The following ZNF530 variants were observed in gnomAD, a reference collection of about 807,000 sequenced individuals.
ZNF530 encodes the protein zinc finger protein 530.
In ZNF530, 5 loss-of-function variants were observed where a neutral mutation model predicts 2.8. The observed-to-expected ratio is 1.80, with a 90% CI of 0.94 to 3.78. ZNF530 has a LOEUF of 3.78. ZNF530 is among the 30% of genes most tolerant of loss of function. The pLI is 0.00. For missense variants in ZNF530, 619 were observed against 673.3 expected (o/e 0.92, Z 0.89); for synonymous variants, 229 against 235.0 (o/e 0.97, Z 0.23).
At chr19:57,611,303 C>CA (rs1299983742), downstream of ZNF530, among the ~76,000 whole-genome samples, 2 of 152,106 alleles carry the variant, frequency 1.3e-5, no homozygotes, top group African/African-American at 2.4e-5. Flanking sequence ...TGAAAGGAAT[C>CA]AAAGTACACT....
chr19:57,603,925 A>G (rs539548254), intron 2 of ZNF530, among the ~76,000 whole-genome samples: 1 of 152,184 alleles, frequency 6.6e-6, no homozygotes, highest in Non-Finnish European at 1.5e-5. Flanking sequence ...AGTGATGCAC[A>G]TATGAAGACG....
Position 57,607,624 on chromosome 19 carries a change from C to A in ZNF530, c.*299C>A. On this transcript the variant is annotated 3_prime_UTR_variant, in exon 4 of 4. Coordinates refer to ENST00000597700, the MANE Select transcript of ZNF530 (RefSeq NM_001321981.2). Reference sequence around the variant, plus strand: ...CCTACCAAAGTGCTGGGATTACAGGCGTGAGCCACCATGTCCGGCTTGTGT... The same window carrying A: ...CCTACCAAAGTGCTGGGATTACAGGAGTGAGCCACCATGTCCGGCTTGTGT... 3.1e-6 allele frequency: 1 copy of A among 322,708 alleles called. No individual in the cohort carries two copies. The highest frequency in any genetic ancestry group is 5.7e-6 in the Non-Finnish European group (1 of 175,590). 20.0% of individuals were successfully genotyped at this position (322,708 alleles called of 1,614,324 possible). A position where few individuals can be genotyped will look rare whatever the true frequency, so the allele number is the denominator to read the frequency against.
Position 57,604,317 on chromosome 19 carries a change from C to T in ZNF530, c.-29C>T, listed in dbSNP as rs765766239. 6.2e-7 allele frequency: 1 copy of T among 1,614,116 alleles called. No individual in the cohort carries two copies. The highest frequency in any genetic ancestry group is 8.5e-7 in the Non-Finnish European group (1 of 1,180,006). ...TTTGAGGATGTGGCCATTTACTTCTCCCAGGAGGAGTGGGAGCTCCTTGAT... is the reference window on the plus strand; with the variant it reads ...TTTGAGGATGTGGCCATTTACTTCTTCCAGGAGGAGTGGGAGCTCCTTGAT... On this transcript the variant is annotated 5_prime_UTR_variant, in exon 3 of 4. Transcript: ENST00000597700.
rs1599940343 is a variant in ZNF530 at position 57,609,952 on chromosome 19, G to A, written c.*2627G>A. ...GCCACTGAAGCAGGTCTGCCTCTAC[G>A]TGGCCTGGGGAGCTAGATGGTAGAG... On this transcript the variant is annotated 3_prime_UTR_variant, in exon 4 of 4. Coordinates refer to ENST00000597700, the MANE Select transcript of ZNF530 (RefSeq NM_001321981.2). Among the ~76,000 whole-genome samples the A allele has an allele frequency of 6.6e-6, 1 of 152,058 alleles. No homozygotes were observed. The highest frequency in any genetic ancestry group is 2.4e-5 in the African/African-American group (1 of 41,384).
chr19:57,609,363 G>A lies in ZNF530; in HGVS notation c.*2038G>A, dbSNP rs900633145. On this transcript the variant is annotated 3_prime_UTR_variant, in exon 4 of 4. Coordinates refer to ENST00000597700, the MANE Select transcript of ZNF530 (RefSeq NM_001321981.2). The stretch of plus-strand genomic sequence containing the variant: ...AAAAAGGCTGGGCGTGGTGGCTCAC[G>A]CCTGTAATCCCAGCACTTTAGGAGG... Among the ~76,000 whole-genome samples, 11 of 151,742 alleles carry A rather than the reference G, an allele frequency of 7.2e-5. No individual in the cohort carries two copies. Among genetic ancestry groups the A allele is most frequent in the South Asian group, 4.2e-4 (2 of 4,814 alleles).
At position 57,605,982 on chromosome 19, in the gene ZNF530, G is replaced by T; in HGVS notation, c.358G>T (p.Ala120Ser). 4 of 1,614,190 alleles carry T rather than the reference G, an allele frequency of 2.5e-6. No individual in the cohort carries two copies. ...GCTCTTTAAAGTGGATGGGGACCAG[G>T]CCTCATTTATGATGAACTGCAGGTT... The part of the protein sequence containing the change: ...EKLFKVDGDQ[A>S]SFMMNCRFHV... The change falls in exon 4 of 4, where the codon GCC (alanine) becomes TCC (serine). Residue 120 changes from alanine (A) to serine (S), a missense_variant. By Grantham distance (99) the Ala-to-Ser change is moderately conservative. Transcript: ENST00000597700.
At chr19:57,612,009 CT>C (rs1333192153), downstream of ZNF530, among the ~76,000 whole-genome samples, 2 of 152,228 alleles carry the variant, frequency 1.3e-5, no homozygotes. Context: ...AGGCTTTCCC[CT>C]AGCTCTTGCT....
chr19:57,601,271 A>G (rs1469306245), intron 2 of ZNF530, among the ~76,000 whole-genome samples: 1 of 152,206 alleles, frequency 6.6e-6, no homozygotes, highest in Admixed American at 6.5e-5. Flanking sequence ...AGAGGAGACT[A>G]CTGCAATAGT....
rs1328556115 is a variant in ZNF530, at chr19:57,600,094, C to T, written c.-162C>T. On this transcript the variant is annotated 5_prime_UTR_variant, in exon 1 of 4. Transcript: ENST00000597700. The stretch of plus-strand genomic sequence containing the variant: ...CGTCCACCGCTCCCGGCCCGCTCCG[C>T]CCAGAGTCCGATGGCGGCGGCACTG... 6.4e-7 allele frequency: 1 copy of T among 1,556,658 alleles called. No individual in the cohort carries two copies. Among genetic ancestry groups the T allele is most frequent in the South Asian group, 1.2e-5 (1 of 84,732 alleles).
chr19:57,601,898 C>A (rs74619369), intron 2 of ZNF530, among the ~76,000 whole-genome samples: 2,048 of 152,252 alleles, frequency 0.013, 44 homozygotes, highest in South Asian at 0.048. Flanking sequence ...CTCATGTGAA[C>A]TTATTACTGT....
In ZNF530 at chr19:57,609,370, A is replaced by G. The variant is rs1004845931; in HGVS notation, c.*2045A>G. Among the ~76,000 whole-genome samples, 1 of 152,162 alleles carries G rather than the reference A, an allele frequency of 6.6e-6. No homozygotes were observed. Among genetic ancestry groups the G allele is most frequent in the African/African-American group, 2.4e-5 (1 of 41,428 alleles). On this transcript the variant is annotated 3_prime_UTR_variant, in exon 4 of 4. Coordinates refer to ENST00000597700, the MANE Select transcript of ZNF530 (RefSeq NM_001321981.2). ...CTGGGCGTGGTGGCTCACGCCTGTA[A>G]TCCCAGCACTTTAGGAGGCCGAGGT... is the stretch of plus-strand genomic sequence containing the variant.
Position 57,599,923 on chromosome 19 carries a change from T to C in ZNF530, c.-333T>C. 3 of 610,028 alleles carry C rather than the reference T, an allele frequency of 4.9e-6. No homozygotes were observed. Among genetic ancestry groups the C allele is most frequent in the Non-Finnish European group, 8.1e-6 (3 of 371,868 alleles). 37.8% of individuals were successfully genotyped at this position (610,028 alleles called of 1,614,324 possible). ...TCCTCCCTGTGGCGGGCACTTTGGCTTGTGTCAGTTCCATCCGCGGGTGCC... is the reference window on the plus strand; with the variant it reads ...TCCTCCCTGTGGCGGGCACTTTGGCCTGTGTCAGTTCCATCCGCGGGTGCC... On this transcript the variant is annotated 5_prime_UTR_variant, in exon 1 of 4. Coordinates refer to ENST00000597700, the MANE Select transcript of ZNF530 (RefSeq NM_001321981.2).
In ZNF530 at chr19:57,607,088, C is replaced by T. The variant is rs551484617; in HGVS notation, c.1464C>T (p.Cys488=). 4.1e-5 allele frequency: 66 copies of T among 1,613,880 alleles called. No homozygotes were observed. Among genetic ancestry groups the T allele is most frequent in the East Asian group, 2.5e-4 (11 of 44,864 alleles). Residue 488 remains cysteine (C), a synonymous_variant, in exon 4 of 4, where the codon TGC becomes TGT. Transcript: ENST00000597700. The part of the protein sequence containing the change: ...TVHTNERPYE[C]DECGKSYSQS... ...ACACTAATGAAAGGCCTTATGAGTG[C>T]GATGAATGTGGGAAATCCTATAGCC... is the stretch of plus-strand genomic sequence containing the variant.
At chr19:57,602,214 C>T (rs1329826546) in intron 2 of ZNF530, among the ~76,000 whole-genome samples, 2 of 152,170 alleles carry the variant, frequency 1.3e-5, no homozygotes, top group East Asian at 1.9e-4. Flanking sequence ...GCTTTTTCCT[C>T]ACATGGCCTT....
Position 57,604,308 on chromosome 19 carries a change from T to C in ZNF530, c.-38T>C. The C allele has an allele frequency of 6.2e-7, 1 of 1,614,104 alleles. No homozygotes were observed. The highest frequency in any genetic ancestry group is 1.3e-5 in the African/African-American group (1 of 75,018). On this transcript the variant is annotated 5_prime_UTR_variant, in exon 3 of 4. Coordinates refer to ENST00000597700, the MANE Select transcript of ZNF530 (RefSeq NM_001321981.2). ...TTTGTAGCCTTTGAGGATGTGGCCA[T>C]TTACTTCTCCCAGGAGGAGTGGGAG...
In ZNF530 at chr19:57,609,841, G is replaced by C. The variant is rs9676332; in HGVS notation, c.*2516G>C. Among the ~76,000 whole-genome samples, 1 of 151,890 alleles carries C rather than the reference G, an allele frequency of 6.6e-6. No individual in the cohort carries two copies. Among genetic ancestry groups the C allele is most frequent in the African/African-American group, 2.4e-5 (1 of 41,336 alleles). On this transcript the variant is annotated 3_prime_UTR_variant, in exon 4 of 4. Coordinates refer to ENST00000597700, the MANE Select transcript of ZNF530 (RefSeq NM_001321981.2). ...AAAAGGATGAAGTCAAGAGAGATTC[G>C]GTTGTCCTTGGTGCGGCTTTTGTGA...
Position 57,606,583 on chromosome 19 carries a change from G to T in ZNF530, c.959G>T (p.Cys320Phe). 3 of 1,614,134 alleles carry T rather than the reference G, an allele frequency of 1.9e-6. No individual in the cohort carries two copies. Among genetic ancestry groups the T allele is most frequent in the Non-Finnish European group, 2.5e-6 (3 of 1,180,026 alleles). Residue 320 changes from cysteine to phenylalanine, a missense_variant, in exon 4 of 4, where the codon TGC becomes TTC. By Grantham distance (205) the Cys-to-Phe change is radical. Transcript: ENST00000597700. ...SAHTSTRPYE[C>F]SECGKSFSHS... ...CACACTAGCACAAGGCCTTATGAGT[G>T]CAGTGAATGTGGAAAATCCTTTAGC...
At chr19:57,605,147 T>C (rs892782898) in intron 3 of ZNF530, 2 of 152,750 alleles carry the variant, frequency 1.3e-5, no homozygotes, top group African/African-American at 4.8e-5. Context: ...CATTTCTCTC[T>C]TTTTTTTCTT....
chr19:57,607,215 C>T lies in ZNF530; in HGVS notation c.1591C>T (p.Gln531Ter). 1.2e-6 allele frequency: 2 copies of T among 1,614,078 alleles called. 1 individual carries two copies. The highest frequency in any genetic ancestry group is 2.2e-5 in the South Asian group (2 of 91,070). Reference protein sequence around the residue: ...KSFTRKNHLIQHKTVHTGERP... With the variant: ...KSFTRKNHLI ...TTTTACCCGCAAAAATCACCTCATT[C>T]AACACAAGACAGTTCACACTGGAGA... Residue 531 changes from glutamine (Q) to a stop codon, truncating the protein, a stop_gained, in exon 4 of 4, where the codon CAA becomes TAA. Transcript: ENST00000597700. LOFTEE classifies it low-confidence loss of function (END_TRUNC).
Sources: allele counts gnomAD v4.1 joint callset (sites outside exome capture counted in the v4.1 genomes callset), GRCh38; gene constraint gnomAD v4.1.1; transcripts MANE v1.5; gene names NCBI Gene and HGNC (gene_info 2026-07-23, HGNC 2026-07-21).